Variants in FOXP2 observed in about 807,000 individuals in gnomAD.
FOXP2 encodes the protein forkhead box P2, also known as forkhead box protein P2.
A neutral mutation model predicts 115.8 loss-of-function variants in FOXP2; 12 were observed. The observed-to-expected ratio is 0.10, with a 90% CI of 0.07 to 0.17. The LOEUF (loss-of-function observed/expected upper bound fraction) is 0.17. Among genes scored for constraint, FOXP2 ranks in the 10% least tolerant of loss-of-function variants. The pLI, the probability that FOXP2 is intolerant of heterozygous loss-of-function variation, is 1.00. For synonymous variants in FOXP2, 328 were observed against 297.7 expected (o/e 1.10, Z -1.05); for missense variants, 629 against 843.5 (o/e 0.75, Z 3.15).
At chr7:114,536,384 T>C (rs185168538) in intron 3 of FOXP2, among the ~76,000 whole-genome samples, 183 of 144,482 alleles carry the variant, frequency 1.3e-3, no homozygotes, top group African/African-American at 4.2e-3. Flanking sequence ...GGCTGGGCTT[T>C]AGTTTTTCTT....
intron 1 of FOXP2, among the ~76,000 whole-genome samples, chr7:114,094,815 A>C (rs1251873486): frequency 6.6e-6 from 1 of 152,010 alleles, no homozygotes; most frequent in African/African-American, 2.4e-5. Flanking sequence ...GCACACCATC[A>C]AGCCTCACTA....
intron 2 of FOXP2, among the ~76,000 whole-genome samples, chr7:114,499,927 T>C (rs1009051321): frequency 3.3e-5 from 5 of 152,060 alleles, no homozygotes; most frequent in African/African-American, 1.2e-4. Flanking sequence ...ATCAAAAATG[T>C]AATGTCAGCA....
At chr7:114,364,560 T>A (rs1342817557) in intron 2 of FOXP2, among the ~76,000 whole-genome samples, 3 of 152,164 alleles carry the variant, frequency 2.0e-5, no homozygotes, top group African/African-American at 7.2e-5. Context: ...TTTCAGAAAA[T>A]CCCACTTTTA....
chr7:114,678,505 A>G (rs1451016412), intron 16 of FOXP2, among the ~76,000 whole-genome samples: 14 of 140,924 alleles, frequency 9.9e-5, no homozygotes, highest in Admixed American at 7.1e-4. Context: ...AAAAAGCCCT[A>G]CATGCTTTCT....
At chr7:114,396,419 A>T (rs998100919) in intron 2 of FOXP2, among the ~76,000 whole-genome samples, 1 of 152,054 alleles carries the variant, frequency 6.6e-6, no homozygotes, top group African/African-American at 2.4e-5. Context: ...GGTTGATTCT[A>T]TGTCTTGGCT....
At chr7:114,433,690 C>T (rs17137020) in intron 2 of FOXP2, among the ~76,000 whole-genome samples, 4,289 of 151,974 alleles carry the variant, frequency 0.028, 154 homozygotes, top group African/African-American at 0.085. Context: ...AACATTAAAA[C>T]TACTGTCAAA....
intron 1 of FOXP2, among the ~76,000 whole-genome samples, chr7:114,125,109 G>T (rs1341962965): frequency 1.3e-5 from 2 of 152,040 alleles, no homozygotes; most frequent in Non-Finnish European, 2.9e-5. Flanking sequence ...GCTAGTTTGT[G>T]AATTTGTGTC....
intron 2 of FOXP2, among the ~76,000 whole-genome samples, chr7:114,407,312 A>G (rs867620078): frequency 1.3e-5 from 2 of 152,232 alleles, no homozygotes; most frequent in African/African-American, 2.4e-5. Context: ...CACTAATATA[A>G]CAATCAAACA....
chr7:114,640,360 G>GT (rs1206923666), intron 6 of FOXP2, among the ~76,000 whole-genome samples: 3 of 152,030 alleles, frequency 2.0e-5, no homozygotes, highest in Admixed American at 2.0e-4. Context: ...GAATTATCCT[G>GT]TTTTTTCTTT....
At chr7:114,586,196 T>C (rs1802120853) in intron 3 of FOXP2, among the ~76,000 whole-genome samples, 2 of 152,184 alleles carry the variant, frequency 1.3e-5, no homozygotes. Flanking sequence ...GACACAATGA[T>C]TGAACTAATT....
At chr7:114,677,179 A>C (rs998924141) in intron 16 of FOXP2, among the ~76,000 whole-genome samples, 4 of 139,692 alleles carry the variant, frequency 2.9e-5, no homozygotes, top group South Asian at 2.4e-4. Context: ...AAACAAAAAA[A>C]AAAAAAACAA....
Position 114,631,673 on chromosome 7 carries a change from A to C in FOXP2, c.743A>C (p.Gln248Pro). Reference protein sequence around the residue: ...RQGLISIPPGQAALPVQSLPQ... With the variant: ...RQGLISIPPGPAALPVQSLPQ... ...GGACTCATCTCCATTCCACCTGGCC[A>C]GGCAGCACTTCCTGTCCAATCGCTG... The change falls in exon 6 of 17, where the codon CAG (glutamine) becomes CCG (proline). Residue 248 changes from glutamine (Q) to proline (P), a missense_variant. By Grantham distance (76) the Gln-to-Pro change is moderately conservative. Coordinates refer to ENST00000350908, the MANE Select transcript of FOXP2 (RefSeq NM_014491.4). 6.2e-7 allele frequency: 1 copy of C among 1,614,138 alleles called. No homozygotes were observed. Among genetic ancestry groups the C allele is most frequent in the South Asian group, 1.1e-5 (1 of 91,086 alleles).
Position 114,642,523 on chromosome 7 carries a change from T to C in FOXP2, c.889T>C (p.Ser297Pro). ...GGLDLTTNNS[S>P]STTSSNTSKA... is the part of the protein sequence containing the mutation. ...GCTAGACCTCACTACTAACAATTCC[T>C]CCTCGACTACCTCCTCCAACACTTC... Residue 297 changes from serine to proline, a missense_variant, in exon 7 of 17, where the codon TCC becomes CCC. Physicochemically the swap from Ser to Pro is moderately conservative, Grantham distance 74. Around this residue, in one of 9 missense-constraint regions of FOXP2, gnomAD observed 92 missense variants for 80.1 expected, o/e 1.15. Transcript: ENST00000350908. The C allele has an allele frequency of 6.2e-7, 1 of 1,613,856 alleles. No individual in the cohort carries two copies. The highest frequency in any genetic ancestry group is 8.5e-7 in the Non-Finnish European group (1 of 1,179,942).
chr7:114,114,161 T>G (rs1791344110), intron 1 of FOXP2, among the ~76,000 whole-genome samples: 1 of 151,852 alleles, frequency 6.6e-6, no homozygotes, highest in South Asian at 2.1e-4. Flanking sequence ...CTAATTTGCC[T>G]TTGTGATTAC....
At chr7:114,549,244 A>G (rs1425429657) in intron 3 of FOXP2, among the ~76,000 whole-genome samples, 5 of 152,192 alleles carry the variant, frequency 3.3e-5, no homozygotes, top group Admixed American at 1.3e-4. Flanking sequence ...GGTACTGTCC[A>G]TATATTCCTT....
At position 114,659,365 on chromosome 7, in the gene FOXP2, C is replaced by T; in HGVS notation, c.1478C>T (p.Pro493Leu). 3 of 1,610,468 alleles carry T rather than the reference C, an allele frequency of 1.9e-6. No individual in the cohort carries two copies. The highest frequency in any genetic ancestry group is 4.5e-5 in the East Asian group (2 of 44,828). ...YNIPMSSEIA[P>L]NYEFYKNADV... ...GTTTTTATTTTTATAGAAATTGCCC[C>T]AAACTATGAATTTTATAAAAATGCA... is the stretch of plus-strand genomic sequence containing the variant. Residue 493 changes from proline to leucine, a missense_variant, in exon 12 of 17, where the codon CCA becomes CTA. Physicochemically the swap from Pro to Leu is moderately conservative, Grantham distance 98 (BLOSUM62 -3). Coordinates refer to ENST00000350908, the MANE Select transcript of FOXP2 (RefSeq NM_014491.4).
rs562338854 is a variant in FOXP2, at chr7:114,345,760, A to C, written c.-11+57651A>C. 4.0e-4 allele frequency among the ~76,000 whole-genome samples: 60 copies of C among 151,854 alleles called. 1 individual carries two copies. Among genetic ancestry groups the C allele is most frequent in the South Asian group, 3.5e-3 (17 of 4,826 alleles). On this transcript the variant is annotated intron_variant, in intron 2 of 17. Coordinates refer to the FOXP2 transcript ENST00000634411. ...AAACCATCTGATTTTGTGGCTTTTG[A>C]GGGTGTGAATAGTTCAATTCTTAAA...
At chr7:114,471,975 A>G (rs1352337459) in intron 2 of FOXP2, among the ~76,000 whole-genome samples, 5 of 152,066 alleles carry the variant, frequency 3.3e-5, no homozygotes, top group African/African-American at 9.6e-5. Context: ...AAAAAAAAAA[A>G]AAAGAAAGAC....
rs1808716627 is a variant in FOXP2, at chr7:114,692,478, A to C, written c.*2552A>C. The C allele has an allele frequency of 6.6e-6, 3 of 453,386 alleles. 1 individual carries two copies. Among genetic ancestry groups the C allele is most frequent in the South Asian group, 4.7e-5 (3 of 64,166 alleles). 28.1% of individuals were successfully genotyped at this position (453,386 alleles called of 1,614,324 possible). On this transcript the variant is annotated 3_prime_UTR_variant, in exon 17 of 17. Transcript: ENST00000350908. Reference sequence around the variant, plus strand: ...CTGTATTTTGATAATTGTGCATATTATGTAAAAATGTTGGTGGACCCATAA... The same window carrying C: ...CTGTATTTTGATAATTGTGCATATTCTGTAAAAATGTTGGTGGACCCATAA...
Sources: allele counts gnomAD v4.1 joint callset (sites outside exome capture counted in the v4.1 genomes callset), GRCh38; gene constraint gnomAD v4.1.1; regional missense constraint gnomAD v4.1.1; transcripts MANE v1.5; gene names NCBI Gene and HGNC (gene_info 2026-07-23, HGNC 2026-07-21).